The following DISC1 variants were observed in gnomAD, a reference collection of about 807,000 sequenced individuals.
DISC1 encodes DISC1 scaffold protein, also known as disrupted in schizophrenia 1 protein.
A neutral mutation model predicts 84.5 loss-of-function variants in DISC1; 57 were observed. The observed-to-expected ratio is 0.67, with a 90% CI of 0.55 to 0.84. DISC1 has a LOEUF of 0.84. Among genes scored for constraint, DISC1 ranks in the 40% least tolerant of loss-of-function variants. DISC1 has a pLI of 0.00. For missense variants in DISC1, 1,000 were observed against 1,057.8 expected, an observed-to-expected ratio of 0.95 and a Z score of 0.76; for synonymous variants, 411 against 415.2, an observed-to-expected ratio of 0.99 and a Z score of 0.12.
At chr1:231,909,810 C>CT (rs1399170854) in intron 9 of DISC1, among the ~76,000 whole-genome samples, 6 of 152,186 alleles carry the variant, frequency 3.9e-5, no homozygotes, top group East Asian at 3.9e-4. Flanking sequence ...TGGTCCTGGA[C>CT]TTTTTTTGAT....
chr1:231,815,749 A>AT (rs539945187), intron 8 of DISC1, among the ~76,000 whole-genome samples: 1 of 151,566 alleles, frequency 6.6e-6, no homozygotes, highest in Non-Finnish European at 1.5e-5. Flanking sequence ...AAAAAAAAAA[A>AT]AAAGAAAGAA....
At chr1:231,984,016 A>G (rs368655653) in intron 10 of DISC1, among the ~76,000 whole-genome samples, 70 of 152,360 alleles carry the variant, frequency 4.6e-4, no homozygotes, top group East Asian at 1.7e-3. Flanking sequence ...CTTGTCCACA[A>G]TCACATGCTA....
At chr1:231,989,888 T>C (rs1664967041) in intron 10 of DISC1, among the ~76,000 whole-genome samples, 1 of 152,214 alleles carries the variant, frequency 6.6e-6, no homozygotes, top group Non-Finnish European at 1.5e-5. Flanking sequence ...CCTAACGCTG[T>C]GCGACTGCAA....
At chr1:231,855,787 G>C (rs752796331) in intron 9 of DISC1, among the ~76,000 whole-genome samples, 2 of 151,972 alleles carry the variant, frequency 1.3e-5, no homozygotes, top group African/African-American at 4.8e-5. Flanking sequence ...CTCTATTTTG[G>C]GACTTGATTC....
chr1:231,843,217 C>G (rs2083203169), intron 9 of DISC1, among the ~76,000 whole-genome samples: 1 of 152,094 alleles, frequency 6.6e-6, no homozygotes, highest in South Asian at 2.1e-4. Context: ...CCATTTGAGG[C>G]AGAAGAAAGA....
intron 9 of DISC1, among the ~76,000 whole-genome samples, chr1:231,858,621 G>C (rs1376654646): frequency 3.3e-5 from 5 of 152,160 alleles, no homozygotes; most frequent in Non-Finnish European, 7.3e-5. Context: ...AACCTTTTCT[G>C]TTGTTCTGCT....
intron 9 of DISC1, among the ~76,000 whole-genome samples, chr1:231,912,722 A>G (rs2089306016): frequency 6.7e-6 from 1 of 149,838 alleles, no homozygotes; most frequent in Non-Finnish European, 1.5e-5. Flanking sequence ...AGACAGGGAC[A>G]TTTAAGTCTG....
At chr1:231,950,673 G>C (rs1658202320) in intron 9 of DISC1, among the ~76,000 whole-genome samples, 1 of 152,162 alleles carries the variant, frequency 6.6e-6, no homozygotes, top group Non-Finnish European at 1.5e-5. Context: ...TTGCATGTAG[G>C]AGCAGGTCTG....
chr1:231,894,286 G>C (rs1289127726), intron 9 of DISC1, among the ~76,000 whole-genome samples: 1 of 152,022 alleles, frequency 6.6e-6, no homozygotes, highest in Non-Finnish European at 1.5e-5. Flanking sequence ...AAAACATAGT[G>C]GACACCCATG....
chr1:231,645,255 C>A (rs1184633483), intron 1 of DISC1, among the ~76,000 whole-genome samples: 1 of 152,110 alleles, frequency 6.6e-6, no homozygotes, highest in East Asian at 1.9e-4. Flanking sequence ...AGGCAGGGAG[C>A]TCAGTGGTAG....
At chr1:231,855,680 C>T (rs1417447477) in intron 9 of DISC1, among the ~76,000 whole-genome samples, 2 of 152,124 alleles carry the variant, frequency 1.3e-5, no homozygotes, top group African/African-American at 4.8e-5. Context: ...TTTTCCTTTC[C>T]ATGAAATGAC....
intron 1 of DISC1, among the ~76,000 whole-genome samples, chr1:231,642,569 G>A (rs1489483474): frequency 1.3e-5 from 2 of 152,180 alleles, no homozygotes; most frequent in Non-Finnish European, 2.9e-5. Flanking sequence ...ACACATATAG[G>A]TAGGCTCTGT....
intron 11 of DISC1, among the ~76,000 whole-genome samples, chr1:232,015,448 C>T (rs763135761): frequency 2.0e-5 from 3 of 152,176 alleles, no homozygotes; most frequent in East Asian, 1.9e-4. Context: ...TCATTTTCTG[C>T]GTTTGTAACA....
In DISC1 at chr1:232,039,041, G is replaced by A. The variant is rs201847001; in HGVS notation, c.*2210G>A. On this transcript the variant is annotated 3_prime_UTR_variant, in exon 13 of 13. Coordinates refer to ENST00000439617, the MANE Select transcript of DISC1 (RefSeq NM_018662.3). ...ATTGTGTTCCCTATGGCTTTATCTC[G>A]AGCAAAATACACTCTACATATTTTA... 3.3e-5 allele frequency: 5 copies of A among 152,240 alleles called. No homozygotes were observed. The highest frequency in any genetic ancestry group is 1.9e-4 in the East Asian group (1 of 5,170). The allele number at this position is 152,240 out of a possible 1,614,324, so 9.4% of individuals were successfully genotyped here.
Position 231,767,249 on chromosome 1 carries a change from C to T in DISC1, c.1378C>T (p.Gln460Ter), listed in dbSNP as rs2076233693. Residue 460 changes from glutamine (Q) to a stop codon, truncating the protein, a stop_gained, in exon 5 of 13, where the codon CAG becomes TAG. Coordinates refer to ENST00000439617, the MANE Select transcript of DISC1 (RefSeq NM_018662.3). LOFTEE classifies it high-confidence loss of function. ...VSITRRDWLL[Q>*]EKQQLQKEIE... Reference sequence around the variant, plus strand: ...CATCACGAGACGAGACTGGCTTCTTCAGGAAAAGCAGCAGCTACAGGTGAG... The same window carrying T: ...CATCACGAGACGAGACTGGCTTCTTTAGGAAAAGCAGCAGCTACAGGTGAG... The T allele has an allele frequency of 1.2e-6, 2 of 1,614,044 alleles. No individual in the cohort carries two copies. Among genetic ancestry groups the T allele is most frequent in the Non-Finnish European group, 1.7e-6 (2 of 1,180,040 alleles).
Position 231,915,693 on chromosome 1 carries a change from G to A in DISC1, c.1982-43135G>A, listed in dbSNP as rs570996848. On this transcript the variant is annotated intron_variant, in intron 9 of 12. Coordinates refer to ENST00000439617, the MANE Select transcript of DISC1 (RefSeq NM_018662.3). ...CTTGGGAGGCTGAGGCAGGAGAATC[G>A]CTTGAACCTGGGAGGTGGATGTTGC... Among the ~76,000 whole-genome samples, 15 of 152,320 alleles carry A rather than the reference G, an allele frequency of 9.8e-5. No individual in the cohort carries two copies. In the South Asian group the frequency reaches 2.1e-3, roughly 21 times the overall value.
chr1:231,933,537 G>A (rs1190109935), intron 9 of DISC1, among the ~76,000 whole-genome samples: 2 of 152,092 alleles, frequency 1.3e-5, no homozygotes, highest in Non-Finnish European at 2.9e-5. Flanking sequence ...TGCCTGGTGT[G>A]GTGTGAGTAA....
intron 11 of DISC1, among the ~76,000 whole-genome samples, chr1:232,021,770 T>C (rs11588595): frequency 0.029 from 4,396 of 152,328 alleles, 83 homozygotes; most frequent in Non-Finnish European, 0.044. Context: ...ATGATATTCG[T>C]GGATCTGTAG....
chr1:231,895,898 A>C (rs1342890424), intron 9 of DISC1, among the ~76,000 whole-genome samples: 1 of 152,150 alleles, frequency 6.6e-6, no homozygotes, highest in Non-Finnish European at 1.5e-5. Context: ...CAATGCAGTG[A>C]TTCTTCTAAA....
Sources: gnomAD v4.1 joint callset for allele counts (sites outside exome capture counted in the v4.1 genomes callset) on GRCh38, gnomAD v4.1.1 for gene constraint, MANE v1.5 for transcripts, NCBI Gene and HGNC (gene_info 2026-07-23, HGNC 2026-07-21) for gene names.